Variants in ABCG2 observed in about 807,000 individuals in gnomAD.
The protein encoded by ABCG2 is broad substrate specificity ATP-binding cassette transporter ABCG2.
ABCG2 carries 80 observed loss-of-function variants against 73.5 expected under a neutral mutation model. That is an observed-to-expected ratio of 1.09 (90% CI 0.91 to 1.31). The LOEUF is 1.31. Ranked by LOEUF, ABCG2 falls within the 50% of genes most tolerant of loss-of-function variation. The pLI is 0.00. For missense variants in ABCG2, 796 were observed against 786.2 expected (o/e 1.01, Z -0.15); for synonymous variants, 269 against 282.4 (o/e 0.95, Z 0.48).
chr4:88,199,293 G>T (rs1197565663), intron 1 of ABCG2, among the ~76,000 whole-genome samples: 1 of 152,062 alleles, frequency 6.6e-6, no homozygotes. Context: ...AAGCAATTAT[G>T]AACTGACAGT....
intron 10 of ABCG2, among the ~76,000 whole-genome samples, chr4:88,106,443 A>C (rs762256713): frequency 6.6e-6 from 1 of 152,232 alleles, no homozygotes; most frequent in Admixed American, 6.5e-5. Context: ...CTTACAACGG[A>C]AAGAAATCTG....
intron 1 of ABCG2, among the ~76,000 whole-genome samples, chr4:88,169,333 C>G (rs1261416213): frequency 6.6e-6 from 1 of 152,042 alleles, no homozygotes; most frequent in African/African-American, 2.4e-5. Context: ...CATGAGCCAT[C>G]ATGCCCAACC....
At chr4:88,130,367 G>A (rs776773907) in intron 5 of ABCG2, among the ~76,000 whole-genome samples, 7 of 151,554 alleles carry the variant, frequency 4.6e-5, no homozygotes, top group East Asian at 1.9e-4. Context: ...ATGTGTCACC[G>A]TTTCCCATCA....
exon 1 of ABCG2, chr4:88,231,060 CGAA>C (rs1029588316): frequency 4.6e-5 from 7 of 152,302 alleles, no homozygotes; most frequent in East Asian, 1.9e-4. Context: ...AGTGGTAATA[CGAA>C]GAAGATTTCT....
At chr4:88,136,107 G>C (rs1034092761) in intron 2 of ABCG2, among the ~76,000 whole-genome samples, 1 of 152,116 alleles carries the variant, frequency 6.6e-6, no homozygotes, top group African/African-American at 2.4e-5. Flanking sequence ...GAAACATAAA[G>C]ATGGAAACTC....
intron 5 of ABCG2, among the ~76,000 whole-genome samples, chr4:88,127,294 T>G (rs1424161435): frequency 2.0e-5 from 3 of 152,086 alleles, no homozygotes; most frequent in African/African-American, 7.2e-5. Context: ...GGAAAAACAT[T>G]TCATGCTCAT....
chr4:88,111,328 A>C (rs968990567), intron 9 of ABCG2, among the ~76,000 whole-genome samples: 1 of 152,228 alleles, frequency 6.6e-6, no homozygotes, highest in African/African-American at 2.4e-5. Context: ...CTATGCTCAA[A>C]GAATAAAATT....
upstream of ABCG2, chr4:88,163,749 G>A (rs187659691): frequency 4.8e-6 from 2 of 414,756 alleles, no homozygotes; most frequent in Admixed American, 5.2e-5. Context: ...TGAAGGAGAT[G>A]GGAACTCCAG....
Position 88,139,773 on chromosome 4 carries a change from T to G in ABCG2, c.203+20A>C. The G allele has an allele frequency of 6.2e-7, 1 of 1,603,452 alleles. No homozygotes were observed. On this transcript the variant is annotated intron_variant, in intron 2 of 15. Coordinates refer to ENST00000237612, the MANE Select transcript of ABCG2 (RefSeq NM_004827.3). ...GTAGGTAAATTAAAAAGCTGTCTTTTTACAAGTTCATGTACATACTTGATA... is the reference window on the plus strand; with the variant it reads ...GTAGGTAAATTAAAAAGCTGTCTTTGTACAAGTTCATGTACATACTTGATA...
At chr4:88,203,635 T>C (rs998905232) in intron 1 of ABCG2, among the ~76,000 whole-genome samples, 22 of 151,618 alleles carry the variant, frequency 1.5e-4, no homozygotes, top group African/African-American at 5.1e-4. Context: ...GCGCCTGTAA[T>C]CCCAGCTACT....
intron 2 of ABCG2, among the ~76,000 whole-genome samples, chr4:88,134,243 C>T (rs1725094591): frequency 6.6e-6 from 1 of 152,170 alleles, no homozygotes; most frequent in African/African-American, 2.4e-5. Context: ...TAAGCAACTG[C>T]ACCACAGTGC....
chr4:88,119,003 G>T (rs945998567), intron 6 of ABCG2, among the ~76,000 whole-genome samples: 1 of 152,140 alleles, frequency 6.6e-6, no homozygotes, highest in African/African-American at 2.4e-5. Flanking sequence ...GATAAGGTTT[G>T]GCTGTGTGCC....
chr4:88,145,819 G>T (rs1392716726), intron 1 of ABCG2, among the ~76,000 whole-genome samples: 1 of 132,816 alleles, frequency 7.5e-6, no homozygotes, highest in African/African-American at 2.6e-5. Flanking sequence ...GTGCATTTTT[G>T]ATCCCAGCTA....
At chr4:88,154,778 C>T (rs763698653) in intron 1 of ABCG2, among the ~76,000 whole-genome samples, 1 of 151,812 alleles carries the variant, frequency 6.6e-6, no homozygotes, top group Non-Finnish European at 1.5e-5. Flanking sequence ...CTGGAGGAGC[C>T]GGGGAGCAGA....
At chr4:88,130,828 G>A (rs574529473) in intron 5 of ABCG2, among the ~76,000 whole-genome samples, 9 of 152,280 alleles carry the variant, frequency 5.9e-5, no homozygotes, top group African/African-American at 1.9e-4. Context: ...ACACTTTCAC[G>A]TACAACACCA....
chr4:88,098,685 T>TAGATAGATAGACAGAC (rs1273271669), intron 12 of ABCG2, among the ~76,000 whole-genome samples: 2 of 151,528 alleles, frequency 1.3e-5, no homozygotes, highest in African/African-American at 2.4e-5. Flanking sequence ...GATAGATAGA[T>TAGATAGATAGACAGAC]AGACAGATAG....
chr4:88,194,266 T>C (rs1025967585), intron 1 of ABCG2, among the ~76,000 whole-genome samples: 2 of 151,820 alleles, frequency 1.3e-5, no homozygotes, highest in African/African-American at 2.4e-5. Context: ...GGAGTGTGGG[T>C]GCGGCCGGGC....
intron 1 of ABCG2, among the ~76,000 whole-genome samples, chr4:88,195,497 A>G (rs1349065457): frequency 1.3e-5 from 2 of 152,200 alleles, no homozygotes; most frequent in Admixed American, 6.5e-5. Context: ...CAATCCACAC[A>G]GGTCTGCAGC....
chr4:88,220,307 G>A (rs1193131141), intron 1 of ABCG2, among the ~76,000 whole-genome samples: 1 of 152,108 alleles, frequency 6.6e-6, no homozygotes, highest in Non-Finnish European at 1.5e-5. Context: ...TCTGCTTTCA[G>A]TTCTTTTGGG....
Sources: gnomAD v4.1 joint callset for allele counts (sites outside exome capture counted in the v4.1 genomes callset) on GRCh38, gnomAD v4.1.1 for gene constraint, MANE v1.5 for transcripts, NCBI Gene and HGNC (gene_info 2026-07-23, HGNC 2026-07-21) for gene names.